Variants in PRKCH observed in about 807,000 individuals in gnomAD.
The protein encoded by PRKCH is protein kinase C eta.
Under a neutral mutation model 82.5 loss-of-function variants are expected in PRKCH, and 28 were observed. The ratio of observed to expected loss-of-function variants is 0.34; its 90% confidence interval spans 0.25 to 0.47. The LOEUF (loss-of-function observed/expected upper bound fraction) is 0.47. PRKCH is among the 20% of genes least tolerant of loss of function. The pLI is 1.00. For missense variants in PRKCH, 705 were observed against 881.8 expected, an observed-to-expected ratio of 0.80 and a Z score of 2.54; for synonymous variants, 322 against 327.4, an observed-to-expected ratio of 0.98 and a Z score of 0.18.
chr14:61,286,754 C>T (rs879592190), intron 1 of PRKCH, among the ~76,000 whole-genome samples: 3 of 151,524 alleles, frequency 2.0e-5, no homozygotes, highest in Admixed American at 6.6e-5. Context: ...CCAACCTGGG[C>T]GACAAAAGCG....
chr14:61,505,208 T>A (rs1209853889), intron 10 of PRKCH, among the ~76,000 whole-genome samples: 1 of 152,030 alleles, frequency 6.6e-6, no homozygotes, highest in African/African-American at 2.4e-5. Context: ...GGGTGGCTTG[T>A]AAACAACAGA....
At chr14:61,196,470 C>T (rs193065955) in intron 1 of PRKCH, among the ~76,000 whole-genome samples, 53 of 152,206 alleles carry the variant, frequency 3.5e-4, no homozygotes, top group Admixed American at 5.2e-4. Flanking sequence ...CATCTGAAGA[C>T]GGCAAATTGA....
At chr14:61,333,377 T>C (rs967392929) in intron 1 of PRKCH, among the ~76,000 whole-genome samples, 1 of 152,210 alleles carries the variant, frequency 6.6e-6, no homozygotes, top group African/African-American at 2.4e-5. Context: ...GGACCTCAGG[T>C]TGAGAAACCT....
At chr14:61,405,879 G>T (rs182934833) in intron 2 of PRKCH, among the ~76,000 whole-genome samples, 49 of 152,276 alleles carry the variant, frequency 3.2e-4, no homozygotes, top group African/African-American at 1.1e-3. Context: ...ATGTAAATGT[G>T]GATGCTTCCG....
At chr14:61,391,726 T>C (rs528569324) in intron 2 of PRKCH, among the ~76,000 whole-genome samples, 49 of 152,250 alleles carry the variant, frequency 3.2e-4, no homozygotes, top group Non-Finnish European at 6.5e-4. Flanking sequence ...TCTTCATCTG[T>C]GGCTACCGTA....
intron 1 of PRKCH, among the ~76,000 whole-genome samples, chr14:61,242,300 G>C (rs1303790166): frequency 6.6e-6 from 1 of 152,168 alleles, no homozygotes; most frequent in Admixed American, 6.5e-5. Context: ...AGTGACATCA[G>C]TTTGGAACAC....
In PRKCH at chr14:61,550,729, C is replaced by T. The variant is rs1019635281; in HGVS notation, c.*898C>T. 6.6e-5 allele frequency: 10 copies of T among 152,504 alleles called. No homozygotes were observed. The highest frequency in any genetic ancestry group is 2.4e-4 in the African/African-American group (10 of 41,568). The allele number at this position is 152,504 out of a possible 1,614,324, so 9.4% of individuals were successfully genotyped here. On this transcript the variant is annotated 3_prime_UTR_variant, in exon 14 of 14. Transcript: ENST00000332981. ...GCCTACCTGGGTAATCTGATCTTGT[C>T]TGTATCGCCGTGTGCTCATCACTGA...
At chr14:61,533,320 T>C (rs973551552) in intron 12 of PRKCH, among the ~76,000 whole-genome samples, 2 of 100,222 alleles carry the variant, frequency 2.0e-5, no homozygotes, top group African/African-American at 2.7e-5. Flanking sequence ...ACTAAGAGGA[T>C]TTCTGGGATT....
At chr14:61,548,496 G>A (rs2043287729) in intron 13 of PRKCH, among the ~76,000 whole-genome samples, 1 of 152,238 alleles carries the variant, frequency 6.6e-6, no homozygotes, top group African/African-American at 2.4e-5. Flanking sequence ...TGAGAGCTGA[G>A]CTCGTGCTCA....
chr14:61,480,885 A>C (rs1885940581), intron 9 of PRKCH, among the ~76,000 whole-genome samples: 1 of 152,098 alleles, frequency 6.6e-6, no homozygotes, highest in Non-Finnish European at 1.5e-5. Flanking sequence ...CTGACATCTT[A>C]CACTTCAACT....
At chr14:61,339,652 T>TA (rs2045907048) in intron 1 of PRKCH, among the ~76,000 whole-genome samples, 3 of 126,070 alleles carry the variant, frequency 2.4e-5, no homozygotes, top group Non-Finnish European at 5.0e-5. Flanking sequence ...TTTTTATAAT[T>TA]AAAGTTAAGG....
intron 1 of PRKCH, among the ~76,000 whole-genome samples, chr14:61,363,978 G>A (rs1164999641): frequency 5.7e-5 from 1 of 17,642 alleles, no homozygotes; most frequent in Non-Finnish European, 1.0e-4. Flanking sequence ...GTGCATGTGT[G>A]TGTATATGTG....
chr14:61,374,579 A>G (rs1376543345), intron 1 of PRKCH, among the ~76,000 whole-genome samples: 1 of 151,992 alleles, frequency 6.6e-6, no homozygotes, highest in Non-Finnish European at 1.5e-5. Flanking sequence ...CTGTACACCC[A>G]CAGGCCCAAC....
intron 1 of PRKCH, among the ~76,000 whole-genome samples, chr14:61,352,689 G>GGAAAGGAAAGGAAA (rs1555378083): frequency 7.9e-6 from 1 of 126,546 alleles, no homozygotes; most frequent in East Asian, 2.3e-4. Flanking sequence ...AGAAAGGAAA[G>GGAAAGGAAAGGAAA]GAAAGAAAGA....
intron 1 of PRKCH, among the ~76,000 whole-genome samples, chr14:61,270,237 G>T (rs1227196531): frequency 6.6e-6 from 1 of 152,134 alleles, no homozygotes; most frequent in African/African-American, 2.4e-5. Flanking sequence ...GGAGGCCAAG[G>T]CAGGAGGATC....
At chr14:61,428,870 T>C (rs1245315349) in intron 2 of PRKCH, among the ~76,000 whole-genome samples, 2 of 152,236 alleles carry the variant, frequency 1.3e-5, no homozygotes, top group East Asian at 1.9e-4. Context: ...AGCTAGCTTT[T>C]ACTCTGTCTC....
chr14:61,416,690 T>TC (rs1318520705), intron 2 of PRKCH, among the ~76,000 whole-genome samples: 10 of 151,662 alleles, frequency 6.6e-5, no homozygotes, highest in African/African-American at 2.4e-4. Context: ...CCTGTCCCTT[T>TC]CCCCCTCCCC....
At chr14:61,264,554 G>T (rs1215738746) in intron 1 of PRKCH, among the ~76,000 whole-genome samples, 1 of 152,210 alleles carries the variant, frequency 6.6e-6, no homozygotes, top group Non-Finnish European at 1.5e-5. Flanking sequence ...TAGGGAATTT[G>T]CTCTTTGTAG....
At chr14:61,401,531 T>C (rs912323102) in intron 2 of PRKCH, among the ~76,000 whole-genome samples, 1 of 152,202 alleles carries the variant, frequency 6.6e-6, no homozygotes, top group Non-Finnish European at 1.5e-5. Context: ...CATCCTTTTT[T>C]CCCCACTGTG....
Sources: allele counts gnomAD v4.1 joint callset (sites outside exome capture counted in the v4.1 genomes callset), GRCh38; gene constraint gnomAD v4.1.1; transcripts MANE v1.5; gene names NCBI Gene and HGNC (gene_info 2026-07-23, HGNC 2026-07-21).